Variants in EYA2 observed in about 807,000 individuals in gnomAD.
The protein encoded by EYA2 is EYA transcriptional coactivator and phosphatase 2, also known as protein phosphatase EYA2.
A neutral mutation model predicts 69.2 loss-of-function variants in EYA2; 31 were observed. The observed-to-expected ratio is 0.45, with a 90% CI of 0.34 to 0.60. The LOEUF (loss-of-function observed/expected upper bound fraction) is 0.60, where lower values mean the gene tolerates loss of function less well. Among genes scored for constraint, EYA2 ranks in the 20% least tolerant of loss-of-function variants. The probability of loss-of-function intolerance (pLI) is 0.02; values close to 1 mark genes in which losing one functional copy is unlikely to be tolerated. For missense variants in EYA2, 622 were observed against 701.2 expected (o/e 0.89, Z 1.28); for synonymous variants, 257 against 279.4 (o/e 0.92, Z 0.80).
Position 47,096,354 on chromosome 20 carries a change from A to C in EYA2, c.805-731A>C, listed in dbSNP as rs16992329. Among the ~76,000 whole-genome samples the C allele has an allele frequency of 4.1e-3, 624 of 152,334 alleles. 7 individuals are homozygous for C. Among genetic ancestry groups the C allele is most frequent in the African/African-American group, 0.013 (536 of 41,580 alleles). ...GGCAGAGTGCAGAAAATTTAACCTT[A>C]GTTATAAAACCAATGTACAAACAAG... On this transcript the variant is annotated intron_variant, in intron 8 of 15. Coordinates refer to ENST00000327619, the MANE Select transcript of EYA2 (RefSeq NM_005244.5).
intron 10 of EYA2, among the ~76,000 whole-genome samples, chr20:47,167,473 G>A (rs1406441334): frequency 4.0e-5 from 6 of 151,618 alleles, no homozygotes; most frequent in Admixed American, 6.6e-5. Flanking sequence ...TAGTAGAGGT[G>A]GGGTTTCTCC....
intron 1 of EYA2, among the ~76,000 whole-genome samples, chr20:46,985,765 C>T (rs1204214922): frequency 6.6e-6 from 1 of 152,176 alleles, no homozygotes; most frequent in East Asian, 1.9e-4. Context: ...TAAGGCAATA[C>T]TCTTGTATTT....
chr20:46,994,773 C>T (rs1981906655), intron 2 of EYA2, among the ~76,000 whole-genome samples: 1 of 151,896 alleles, frequency 6.6e-6, no homozygotes, highest in Non-Finnish European at 1.5e-5. Context: ...GGAAATGGTG[C>T]TATTAATCCC....
rs2031540750 is a variant in EYA2, at chr20:47,077,027, T to C, written c.661+2692T>C. 2.6e-5 allele frequency among the ~76,000 whole-genome samples: 4 copies of C among 152,202 alleles called. 1 individual carries two copies. The South Asian group carries it at 8.3e-4, about 32-fold the overall frequency. On this transcript the variant is annotated intron_variant, in intron 7 of 15. Coordinates refer to ENST00000327619, the MANE Select transcript of EYA2 (RefSeq NM_005244.5). ...TGGGATGAAGCAGCAGACTTTGGGCTCATGCCTACGGCTGGAGCTAGAGTT... is the reference window on the plus strand; with the variant it reads ...TGGGATGAAGCAGCAGACTTTGGGCCCATGCCTACGGCTGGAGCTAGAGTT...
intron 14 of EYA2, 85 bp downstream of exon 14, chr20:47,181,021 C>A: frequency 1.3e-6 from 2 of 1,529,900 alleles, no homozygotes; most frequent in Non-Finnish European, 1.8e-6. Flanking sequence ...GTTTAAGGAA[C>A]ATGACACCAC....
intron 5 of EYA2, among the ~76,000 whole-genome samples, chr20:47,025,166 A>G (rs1984004335): frequency 6.6e-6 from 1 of 152,198 alleles, no homozygotes; most frequent in Non-Finnish European, 1.5e-5. Context: ...TATTTAATGT[A>G]ATGCTTCTCA....
At chr20:47,092,566 A>G (rs2032117491) in intron 8 of EYA2, among the ~76,000 whole-genome samples, 1 of 152,150 alleles carries the variant, frequency 6.6e-6, no homozygotes, top group Non-Finnish European at 1.5e-5. Flanking sequence ...CCACAAGAAA[A>G]TTATTCAGTC....
intron 1 of EYA2, among the ~76,000 whole-genome samples, chr20:46,983,608 C>T (rs1370568861): frequency 1.3e-5 from 2 of 152,332 alleles, no homozygotes; most frequent in East Asian, 3.9e-4. Context: ...CTCTGCCTCT[C>T]ACCGCACCCA....
chr20:46,971,180 G>A (rs1980123650), intron 1 of EYA2, among the ~76,000 whole-genome samples: 1 of 152,140 alleles, frequency 6.6e-6, no homozygotes, highest in Admixed American at 6.6e-5. Flanking sequence ...GAAAAATACA[G>A]ACAGATGTAG....
At chr20:47,090,128 A>G (rs891725408) in intron 8 of EYA2, among the ~76,000 whole-genome samples, 4 of 151,556 alleles carry the variant, frequency 2.6e-5, no homozygotes, top group Admixed American at 2.0e-4. Flanking sequence ...ATTAAATCCT[A>G]TTCCCTGAGG....
At chr20:47,032,607 G>A (rs999477622) in intron 5 of EYA2, among the ~76,000 whole-genome samples, 8 of 151,980 alleles carry the variant, frequency 5.3e-5, no homozygotes, top group Admixed American at 3.9e-4. Flanking sequence ...TCTCAAAGTC[G>A]GTTCAAACAA....
At chr20:47,072,143 G>C (rs199836769) in intron 5 of EYA2, 42 bp from the exon 6 acceptor site, 48 of 1,578,788 alleles carry the variant, frequency 3.0e-5, no homozygotes, top group Non-Finnish European at 6.1e-6. Context: ...GAGAAAAAAA[G>C]ACAAGAACCC....
chr20:47,179,766 G>A (rs955267240), intron 12 of EYA2, 32 bp from the exon 13 acceptor site: 13 of 1,493,074 alleles, frequency 8.7e-6, no homozygotes, highest in East Asian at 4.6e-5. Flanking sequence ...TTTCTAATAC[G>A]ATGACTACAT....
chr20:46,955,803 T>A (rs924470370), intron 1 of EYA2, among the ~76,000 whole-genome samples: 5 of 152,230 alleles, frequency 3.3e-5, no homozygotes, highest in Non-Finnish European at 7.3e-5. Flanking sequence ...TATGTTACAA[T>A]CTTAATCTTT....
chr20:46,950,995 T>C (rs541125584), intron 1 of EYA2, among the ~76,000 whole-genome samples: 1 of 152,260 alleles, frequency 6.6e-6, no homozygotes, highest in South Asian at 2.1e-4. Context: ...AATCCCTCCT[T>C]AGGGGTGAGG....
chr20:46,962,387 G>C (rs1408027201), intron 1 of EYA2, among the ~76,000 whole-genome samples: 1 of 152,158 alleles, frequency 6.6e-6, no homozygotes, highest in East Asian at 1.9e-4. Context: ...TGATAGGTAT[G>C]CTAATTACCC....
In EYA2 at chr20:47,157,353, CAAAAAAAAA is replaced by C. The variant is rs57425490; in HGVS notation, c.979-11767_979-11759del. ...TTGGTGACAGAGCAAGACTCCGTCTCAAAAAAAAAAAAAAAAAAAAAAAAAAAGAGTACT... is the reference window on the plus strand; with the variant it reads ...TTGGTGACAGAGCAAGACTCCGTCTCAAAAAAAAAAAAAAAAAAGAGTACT... On this transcript the variant is annotated intron_variant, in intron 10 of 15. Coordinates refer to ENST00000327619, the MANE Select transcript of EYA2 (RefSeq NM_005244.5). Among the ~76,000 whole-genome samples the C allele has an allele frequency of 8.9e-3, 543 of 60,764 alleles. 5 individuals are homozygous for C. Among genetic ancestry groups the C allele is most frequent in the African/African-American group, 0.019 (322 of 17,194 alleles). 39.9% of individuals were successfully genotyped at this position (60,764 alleles called of 152,430 possible).
intron 1 of EYA2, among the ~76,000 whole-genome samples, chr20:46,917,114 G>A (rs146609849): frequency 1.3e-5 from 2 of 152,208 alleles, no homozygotes; most frequent in South Asian, 2.1e-4. Context: ...GCCTCCCCCC[G>A]AGTCAAAATC....
intron 9 of EYA2, among the ~76,000 whole-genome samples, chr20:47,129,673 A>G (rs1159462219): frequency 1.3e-5 from 2 of 152,314 alleles, no homozygotes; most frequent in East Asian, 3.9e-4. Flanking sequence ...CATGGGGGAC[A>G]AGGGAGGCTA....
Sources: allele counts gnomAD v4.1 joint callset (sites outside exome capture counted in the v4.1 genomes callset), GRCh38; gene constraint gnomAD v4.1.1; transcripts MANE v1.5; gene names NCBI Gene and HGNC (gene_info 2026-07-23, HGNC 2026-07-21).